ARHGEF3: variants seen among roughly 807,000 people sequenced by gnomAD.
The protein encoded by ARHGEF3 is 59.8 kDA protein.
ARHGEF3 carries 28 observed loss-of-function variants against 63.2 expected under a neutral mutation model. The observed-to-expected ratio is 0.44, with a 90% CI of 0.33 to 0.61. The LOEUF (loss-of-function observed/expected upper bound fraction) is 0.61. Ranked by LOEUF, ARHGEF3 falls within the 20% of genes least tolerant of loss-of-function variation. The pLI is 0.03. For synonymous variants in ARHGEF3, 266 were observed against 254.2 expected (o/e 1.05, Z -0.44); for missense variants, 533 against 659.3 (o/e 0.81, Z 2.10).
intron 2 of ARHGEF3, among the ~76,000 whole-genome samples, chr3:56,968,160 ATAT>A (rs1700697260): frequency 1.1e-4 from 3 of 26,306 alleles, no homozygotes; most frequent in Non-Finnish European, 2.3e-4. Flanking sequence ...ATAAAAATAT[ATAT>A]TATATAATAT....
chr3:56,838,535 T>C (rs1175104460), intron 4 of ARHGEF3, among the ~76,000 whole-genome samples: 1 of 152,212 alleles, frequency 6.6e-6, no homozygotes, highest in Non-Finnish European at 1.5e-5. Context: ...TACAGGTACT[T>C]TTCTTTCCAT....
chr3:56,827,117 A>G (rs1056450502), intron 4 of ARHGEF3, among the ~76,000 whole-genome samples: 2 of 152,230 alleles, frequency 1.3e-5, no homozygotes, highest in Non-Finnish European at 2.9e-5. Flanking sequence ...CCTAAAATAT[A>G]AAAAGATAAA....
chr3:56,833,647 C>T (rs1206120190), intron 4 of ARHGEF3, among the ~76,000 whole-genome samples: 1 of 152,142 alleles, frequency 6.6e-6, no homozygotes, highest in African/African-American at 2.4e-5. Flanking sequence ...CAAAATGTGT[C>T]GCACTTCCCT....
intron 2 of ARHGEF3, among the ~76,000 whole-genome samples, chr3:56,759,727 G>C (rs2035312734): frequency 6.6e-6 from 1 of 151,822 alleles, no homozygotes; most frequent in African/African-American, 2.4e-5. Flanking sequence ...TTTTGATTTA[G>C]TAGACATGGG....
intron 1 of ARHGEF3, among the ~76,000 whole-genome samples, chr3:57,046,230 T>C (rs1206544142): frequency 6.6e-6 from 1 of 152,188 alleles, no homozygotes; most frequent in Non-Finnish European, 1.5e-5. Flanking sequence ...CACATTGTTA[T>C]CCACATTTTC....
At chr3:57,018,116 T>C (rs533853227) in intron 2 of ARHGEF3, among the ~76,000 whole-genome samples, 2 of 152,036 alleles carry the variant, frequency 1.3e-5, no homozygotes, top group Admixed American at 6.5e-5. Flanking sequence ...CCATTTCTAC[T>C]AAAAATAGAA....
At chr3:56,795,150 G>C (rs1483562619) in intron 1 of ARHGEF3, among the ~76,000 whole-genome samples, 1 of 151,732 alleles carries the variant, frequency 6.6e-6, no homozygotes, top group Non-Finnish European at 1.5e-5. Context: ...AAATATTTTT[G>C]ACCAATGGTT....
At chr3:57,079,138 G>C (rs2107440470) in intron 1 of ARHGEF3, 1 of 375,396 alleles carries the variant, frequency 2.7e-6, no homozygotes. Flanking sequence ...CACTCCGGGA[G>C]ACCTAGCGGG....
chr3:56,866,425 G>A (rs572817478), intron 4 of ARHGEF3, among the ~76,000 whole-genome samples: 13 of 152,282 alleles, frequency 8.5e-5, no homozygotes, highest in African/African-American at 2.4e-4. Context: ...ATGTTCCTAG[G>A]GGAGGCTGCT....
chr3:57,028,639 A>C (rs1466215536), intron 2 of ARHGEF3, among the ~76,000 whole-genome samples: 2 of 144,128 alleles, frequency 1.4e-5, no homozygotes, highest in Admixed American at 1.4e-4. Context: ...ACATGTATAC[A>C]TATGTAACTA....
intron 2 of ARHGEF3, among the ~76,000 whole-genome samples, chr3:56,977,583 G>A (rs1701173028): frequency 6.6e-6 from 1 of 152,134 alleles, no homozygotes; most frequent in African/African-American, 2.4e-5. Context: ...CCAGGTCCCT[G>A]GACACATCTG....
At chr3:56,869,314 G>C (rs2040357834) in intron 4 of ARHGEF3, among the ~76,000 whole-genome samples, 1 of 152,176 alleles carries the variant, frequency 6.6e-6, no homozygotes, top group Non-Finnish European at 1.5e-5. Flanking sequence ...CGTTTCAAAT[G>C]TTTCACCTTC....
chr3:56,801,418 G>C (rs2037641765), intron 1 of ARHGEF3, among the ~76,000 whole-genome samples: 1 of 152,376 alleles, frequency 6.6e-6, no homozygotes, highest in South Asian at 2.1e-4. Flanking sequence ...CAAAGGCAAG[G>C]AGGCAGTTGC....
chr3:56,788,047 G>A (rs911179346), intron 1 of ARHGEF3, among the ~76,000 whole-genome samples: 2 of 152,164 alleles, frequency 1.3e-5, no homozygotes, highest in African/African-American at 4.8e-5. Context: ...GTGTGGAGGA[G>A]GACAGAATGT....
chr3:56,739,039 G>A (rs991978770), intron 7 of ARHGEF3, among the ~76,000 whole-genome samples: 6 of 152,064 alleles, frequency 3.9e-5, no homozygotes, highest in African/African-American at 1.4e-4. Flanking sequence ...AGGTTGCAGT[G>A]AGCCGAGATC....
intron 2 of ARHGEF3, among the ~76,000 whole-genome samples, chr3:57,027,512 A>C (rs1434606149): frequency 1.3e-5 from 2 of 152,094 alleles, no homozygotes; most frequent in African/African-American, 4.8e-5. Context: ...GACAGACAAG[A>C]ACAGGTGGGG....
chr3:56,751,573 G>A (rs560358931), intron 4 of ARHGEF3, among the ~76,000 whole-genome samples, 177 bp from the exon 5 acceptor site: 12 of 152,172 alleles, frequency 7.9e-5, no homozygotes, highest in Non-Finnish European at 1.6e-4. Context: ...GGAGAAACCA[G>A]CACTGCCTTA....
At chr3:56,796,393 G>GC (rs1426074069) in intron 1 of ARHGEF3, among the ~76,000 whole-genome samples, 1 of 152,180 alleles carries the variant, frequency 6.6e-6, no homozygotes, top group African/African-American at 2.4e-5. Context: ...ATATAGATAA[G>GC]CAAAATGACT....
At chr3:56,743,559 C>T (rs550245023) in intron 7 of ARHGEF3, among the ~76,000 whole-genome samples, 16 of 152,224 alleles carry the variant, frequency 1.1e-4, no homozygotes, top group Non-Finnish European at 1.5e-4. Flanking sequence ...GCTGTTGTGA[C>T]GGTTAAATGA....
Sources: gnomAD v4.1 joint callset for allele counts (sites outside exome capture counted in the v4.1 genomes callset) on GRCh38, gnomAD v4.1.1 for gene constraint, MANE v1.5 for transcripts, NCBI Gene and HGNC (gene_info 2026-07-23, HGNC 2026-07-21) for gene names.